GLP2R: variants seen among roughly 807,000 people sequenced by gnomAD.
The protein encoded by GLP2R is glucagon-like peptide 2 receptor.
GLP2R carries 59 observed loss-of-function variants against 68.2 expected under a neutral mutation model. That is an observed-to-expected ratio of 0.87 (90% CI 0.70 to 1.07). GLP2R has a LOEUF of 1.07. Among genes scored for constraint, GLP2R ranks in the 50% least tolerant of loss-of-function variants. GLP2R has a pLI of 0.00. For synonymous variants in GLP2R, 270 were observed against 265.4 expected (o/e 1.02, Z -0.17); for missense variants, 548 against 677.4 (o/e 0.81, Z 2.12).
At chr17:9,849,135 A>T (rs996088745) in intron 4 of GLP2R, among the ~76,000 whole-genome samples, 4 of 151,704 alleles carry the variant, frequency 2.6e-5, no homozygotes, top group African/African-American at 9.7e-5. Context: ...TCCATTGATT[A>T]TATATGATTT....
Position 9,881,403 on chromosome 17 carries a change from C to T in GLP2R, c.1284+887C>T, listed in dbSNP as rs1359063164. Among the ~76,000 whole-genome samples, 13 of 66,876 alleles carry T rather than the reference C, an allele frequency of 1.9e-4. 1 individual carries two copies. Among genetic ancestry groups the T allele is most frequent in the African/African-American group, 4.4e-4 (7 of 16,080 alleles). The allele number at this position is 66,876 out of a possible 152,430, so 43.9% of individuals were successfully genotyped here. ...CTTTTTTTTTTTTTTTTTTTTGAGACGGAGTCTCGCTCTGTCGCCCAGGCT... is the reference window on the plus strand; with the variant it reads ...CTTTTTTTTTTTTTTTTTTTTGAGATGGAGTCTCGCTCTGTCGCCCAGGCT... On this transcript the variant is annotated intron_variant, in intron 11 of 12. Coordinates refer to ENST00000262441, the MANE Select transcript of GLP2R (RefSeq NM_004246.3).
At chr17:9,865,657 G>A (rs1014417126) in intron 9 of GLP2R, among the ~76,000 whole-genome samples, 1 of 152,146 alleles carries the variant, frequency 6.6e-6, no homozygotes, top group Non-Finnish European at 1.5e-5. Flanking sequence ...CCCCAGGTCT[G>A]CCTGATAAAT....
rs1390817599 is a variant in GLP2R at position 9,836,358 on chromosome 17, C to T, written c.278-13C>T. Reference sequence around the variant, plus strand: ...AAACACTGATGTTTATCAGACCCTTCTTCTCTCTGTAGGCATATTTTGTAA... The same window carrying T: ...AAACACTGATGTTTATCAGACCCTTTTTCTCTCTGTAGGCATATTTTGTAA... On this transcript the variant is annotated splice_polypyrimidine_tract_variant and intron_variant, in intron 2 of 12. Transcript: ENST00000262441. The T allele has an allele frequency of 1.9e-6, 3 of 1,551,292 alleles. No individual in the cohort carries two copies. Among genetic ancestry groups the T allele is most frequent in the African/African-American group, 1.4e-5 (1 of 73,548 alleles).
intron 4 of GLP2R, among the ~76,000 whole-genome samples, chr17:9,843,547 C>T (rs2066808209): frequency 6.6e-6 from 1 of 152,224 alleles, no homozygotes; most frequent in East Asian, 1.9e-4. Context: ...CCGCAAGTCC[C>T]CATGGCTTCC....
chr17:9,846,084 C>T (rs1231661303), intron 4 of GLP2R, among the ~76,000 whole-genome samples: 1 of 152,006 alleles, frequency 6.6e-6, no homozygotes, highest in East Asian at 1.9e-4. Context: ...TATGTTGAGT[C>T]TTAAATTTTC....
At chr17:9,853,018 G>A (rs2066905663) in intron 4 of GLP2R, 22 of 483,668 alleles carry the variant, frequency 4.5e-5, no homozygotes, top group Middle Eastern at 6.5e-4. Context: ...CTGTAAGACC[G>A]TGGGTGGTGT....
At chr17:9,841,018 ATT>A (rs10624268) in intron 3 of GLP2R, among the ~76,000 whole-genome samples, 4 of 138,962 alleles carry the variant, frequency 2.9e-5, no homozygotes, top group Non-Finnish European at 4.6e-5. Flanking sequence ...GGTGTGGCTA[ATT>A]TTTTTTTTTT....
chr17:9,855,503 A>G (rs991914917), intron 5 of GLP2R, among the ~76,000 whole-genome samples: 2 of 152,160 alleles, frequency 1.3e-5, no homozygotes, highest in Admixed American at 1.3e-4. Flanking sequence ...CATTCTTTTT[A>G]CAGAAGAGAT....
chr17:9,851,191 G>T (rs1396049526), intron 4 of GLP2R, among the ~76,000 whole-genome samples: 1 of 152,120 alleles, frequency 6.6e-6, no homozygotes, highest in Non-Finnish European at 1.5e-5. Flanking sequence ...TTAATTAAAT[G>T]TGTTAGCCTC....
rs1355045963 is a variant in GLP2R at position 9,832,457 on chromosome 17, G to A, written c.190-1350G>A. 2.0e-5 allele frequency among the ~76,000 whole-genome samples: 3 copies of A among 152,282 alleles called. No homozygotes were observed. The East Asian group carries it at 5.8e-4, about 29-fold the overall frequency. On this transcript the variant is annotated intron_variant, in intron 1 of 12. Coordinates refer to ENST00000262441, the MANE Select transcript of GLP2R (RefSeq NM_004246.3). Reference sequence around the variant, plus strand: ...CCACGCCTGTAATTTCACCTACTCAGGAGGTGAGGCAGGAGAATCGCTTGA... The same window carrying A: ...CCACGCCTGTAATTTCACCTACTCAAGAGGTGAGGCAGGAGAATCGCTTGA...
chr17:9,866,132 G>A (rs1390108776), intron 9 of GLP2R: 10 of 335,906 alleles, frequency 3.0e-5, no homozygotes, highest in Non-Finnish European at 5.8e-5. Flanking sequence ...GAAAGGCCAT[G>A]CAGAAAGAAG....
chr17:9,852,367 C>T (rs1170597999), intron 4 of GLP2R, among the ~76,000 whole-genome samples: 1 of 152,136 alleles, frequency 6.6e-6, no homozygotes, highest in Non-Finnish European at 1.5e-5. Context: ...TGATGGCTTC[C>T]AGTTTCATCC....
intron 10 of GLP2R, among the ~76,000 whole-genome samples, chr17:9,879,147 G>A (rs2067167206): frequency 6.6e-6 from 1 of 151,786 alleles, no homozygotes; most frequent in African/African-American, 2.4e-5. Context: ...AGGTGCAGTG[G>A]TTTGCACCTG....
intron 6 of GLP2R, 21 bp from the exon 7 acceptor site, chr17:9,859,921 C>T: frequency 6.3e-7 from 1 of 1,577,962 alleles, no homozygotes; most frequent in Non-Finnish European, 8.6e-7. Context: ...GACTCACCCT[C>T]AGGTGTTTTT....
chr17:9,825,995 G>A lies in GLP2R; in HGVS notation c.-69G>A. 1.6e-6 allele frequency: 2 copies of A among 1,267,882 alleles called. No individual in the cohort carries two copies. Among genetic ancestry groups the A allele is most frequent in the Non-Finnish European group, 2.2e-6 (2 of 901,048 alleles). The allele number at this position is 1,267,882 out of a possible 1,614,324, so 78.5% of individuals were successfully genotyped here. On this transcript the variant is annotated 5_prime_UTR_variant, in exon 1 of 13. Transcript: ENST00000262441. Reference sequence around the variant, plus strand: ...CTGTGGACCAAGAGGAATGCAAGAGGAGGCTGCCTGCGGTGCATCTTGGAC... The same window carrying A: ...CTGTGGACCAAGAGGAATGCAAGAGAAGGCTGCCTGCGGTGCATCTTGGAC...
chr17:9,835,493 T>C (rs2066719558), intron 2 of GLP2R, among the ~76,000 whole-genome samples: 1 of 152,118 alleles, frequency 6.6e-6, no homozygotes, highest in South Asian at 2.1e-4. Context: ...ATAATGATCA[T>C]TGAATTAGTG....
chr17:9,869,515 C>T (rs4791900), intron 9 of GLP2R, among the ~76,000 whole-genome samples: 97,939 of 152,112 alleles, frequency 0.64, 32,152 homozygotes, highest in East Asian at 0.77. Flanking sequence ...TGATCTCTCC[C>T]GAGGCTGCAG....
At chr17:9,859,868 A>C in intron 6 of GLP2R, 74 bp from the exon 7 acceptor site, 1 of 434,320 alleles carries the variant, frequency 2.3e-6, no homozygotes, top group Non-Finnish European at 3.9e-6. Flanking sequence ...TGTCTCTGGG[A>C]GGCCCTTCTC....
intron 3 of GLP2R, among the ~76,000 whole-genome samples, chr17:9,840,133 T>C (rs539735470): frequency 3.7e-4 from 56 of 152,122 alleles, no homozygotes; most frequent in Admixed American, 2.4e-3. Context: ...CACATCACCA[T>C]ACCAAGCTAA....
Sources: allele counts gnomAD v4.1 joint callset (sites outside exome capture counted in the v4.1 genomes callset), GRCh38; gene constraint gnomAD v4.1.1; transcripts MANE v1.5; gene names NCBI Gene and HGNC (gene_info 2026-07-23, HGNC 2026-07-21).